Variants in CPNE4 observed in about 807,000 individuals in gnomAD.
CPNE4 encodes copine-4.
Under a neutral mutation model 67.9 loss-of-function variants are expected in CPNE4, and 25 were observed. The observed-to-expected ratio is 0.37, with a 90% CI of 0.27 to 0.51. CPNE4 has a LOEUF of 0.51. Among genes scored for constraint, CPNE4 ranks in the 20% least tolerant of loss-of-function variants. The probability of loss-of-function intolerance (pLI) is 0.93; values close to 1 mark genes in which losing one functional copy is unlikely to be tolerated. For missense variants in CPNE4, 464 were observed against 690.8 expected, an observed-to-expected ratio of 0.67 and a Z score of 3.68; for synonymous variants, 242 against 244.9, an observed-to-expected ratio of 0.99 and a Z score of 0.11.
At chr3:131,568,976 T>C (rs1272009873) in intron 10 of CPNE4, among the ~76,000 whole-genome samples, 2 of 152,096 alleles carry the variant, frequency 1.3e-5, no homozygotes, top group African/African-American at 4.8e-5. Context: ...AATTTGGACC[T>C]ATACAATGAA....
chr3:131,867,567 C>A (rs2107684905), intron 2 of CPNE4, among the ~76,000 whole-genome samples: 1 of 152,226 alleles, frequency 6.6e-6, no homozygotes, highest in African/African-American at 2.4e-5. Context: ...GCCCTCCATG[C>A]AAATGCCAGT....
chr3:131,588,764 C>T (rs1938348666), intron 7 of CPNE4, among the ~76,000 whole-genome samples: 2 of 152,088 alleles, frequency 1.3e-5, no homozygotes, highest in Admixed American at 1.3e-4. Context: ...CCTGATATTC[C>T]TCTTTCCACT....
intron 2 of CPNE4, among the ~76,000 whole-genome samples, chr3:131,891,248 GT>G (rs912926891): frequency 2.1e-4 from 32 of 151,856 alleles, no homozygotes; most frequent in African/African-American, 7.0e-4. Context: ...ATTTTATGAA[GT>G]TTTTTTTATA....
intron 2 of CPNE4, among the ~76,000 whole-genome samples, chr3:131,817,220 G>C (rs573615214): frequency 6.6e-6 from 1 of 152,256 alleles, no homozygotes; most frequent in African/African-American, 2.4e-5. Context: ...GTGGGAGTGG[G>C]AGTGTAGCCG....
chr3:131,911,015 T>C (rs552794583), intron 1 of CPNE4, among the ~76,000 whole-genome samples: 13 of 152,294 alleles, frequency 8.5e-5, no homozygotes, highest in Admixed American at 7.9e-4. Flanking sequence ...GGCCATCTCC[T>C]GGTATTCATG....
chr3:131,565,837 G>A (rs1177483845), intron 10 of CPNE4, among the ~76,000 whole-genome samples: 2 of 149,316 alleles, frequency 1.3e-5, no homozygotes, highest in African/African-American at 2.5e-5. Context: ...AAAAAAAAAG[G>A]TTATCTGAAG....
In CPNE4 at chr3:131,961,681, C is replaced by T. The variant is rs1471163233; in HGVS notation, c.-1-56237G>A. On this transcript the variant is annotated intron_variant, in intron 1 of 15. Transcript: ENST00000429747. ...GTCTATTCCTGACTCTTAAGATCCACACCTAGAGGACTAAAGATAGAACAT... is the reference window on the plus strand; with the variant it reads ...GTCTATTCCTGACTCTTAAGATCCATACCTAGAGGACTAAAGATAGAACAT... 2.0e-5 allele frequency among the ~76,000 whole-genome samples: 3 copies of T among 152,308 alleles called. No homozygotes were observed. In the East Asian group the frequency reaches 5.8e-4, roughly 29 times the overall value.
intron 1 of CPNE4, among the ~76,000 whole-genome samples, chr3:131,910,945 A>T (rs766166491): frequency 1.3e-5 from 2 of 152,122 alleles, no homozygotes; most frequent in Admixed American, 6.6e-5. Context: ...AAAGAGCTAA[A>T]CTAGAACAGT....
At chr3:131,949,659 TAAGAA>T (rs1179321069) in intron 1 of CPNE4, among the ~76,000 whole-genome samples, 1 of 152,150 alleles carries the variant, frequency 6.6e-6, no homozygotes, top group Non-Finnish European at 1.5e-5. Flanking sequence ...CCTTATGAAA[TAAGAA>T]GAGAAGATCA....
At chr3:131,905,543 C>T (rs2088714868) in intron 1 of CPNE4, 99 bp from the exon 2 acceptor site, 2 of 861,778 alleles carry the variant, frequency 2.3e-6, no homozygotes, top group East Asian at 2.6e-5. Flanking sequence ...AATTGTTTGA[C>T]ACACAGTTTC....
intron 7 of CPNE4, among the ~76,000 whole-genome samples, chr3:131,618,263 T>C (rs1940272239): frequency 6.6e-6 from 1 of 152,164 alleles, no homozygotes; most frequent in African/African-American, 2.4e-5. Context: ...TAAATGTATT[T>C]TTAATTGACA....
At chr3:131,728,371 G>A (rs1006547296) in intron 2 of CPNE4, among the ~76,000 whole-genome samples, 3 of 152,194 alleles carry the variant, frequency 2.0e-5, no homozygotes, top group Admixed American at 6.5e-5. Flanking sequence ...GAGGTGGGAT[G>A]TGAACCTATG....
chr3:131,602,321 A>G (rs1455303003), intron 7 of CPNE4, among the ~76,000 whole-genome samples: 1 of 152,156 alleles, frequency 6.6e-6, no homozygotes, highest in Non-Finnish European at 1.5e-5. Context: ...ATCAAGGGCC[A>G]TCCTGTTTCC....
chr3:131,785,369 G>A lies in CPNE4; in HGVS notation c.181-61744C>T, dbSNP rs549366776. Among the ~76,000 whole-genome samples the A allele has an allele frequency of 3.9e-5, 6 of 151,956 alleles. No homozygotes were observed. In the South Asian group the frequency reaches 1.3e-3, roughly 32 times the overall value. On this transcript the variant is annotated intron_variant, in intron 2 of 15. Coordinates refer to ENST00000429747, the MANE Select transcript of CPNE4 (RefSeq NM_130808.3). ...TGCAACTCTCTTCTTCCAGATACCG[G>A]CTTCATTACCTCCCTCACCTCCTTC...
intron 2 of CPNE4, among the ~76,000 whole-genome samples, chr3:131,792,728 T>TACACGTGTGTATATATGTATATATAC (rs2083797537): frequency 1.1e-5 from 1 of 93,552 alleles, no homozygotes; most frequent in Non-Finnish European, 2.3e-5. Context: ...TGTATATATA[T>TACACGTGTGTATATATGTATATATAC]ACACGTGTGT....
intron 1 of CPNE4, among the ~76,000 whole-genome samples, chr3:131,994,016 T>C (rs578187209): frequency 1.5e-5 from 2 of 136,608 alleles, no homozygotes; most frequent in African/African-American, 4.9e-5. Context: ...GACATTTCTA[T>C]ATATTAGCTA....
chr3:131,966,003 G>T (rs1176075966), intron 1 of CPNE4, among the ~76,000 whole-genome samples: 2 of 151,916 alleles, frequency 1.3e-5, no homozygotes, highest in African/African-American at 4.8e-5. Context: ...GCAAAATAAT[G>T]GAAATCATAA....
In CPNE4 at chr3:131,629,178, G is replaced by A. The variant is rs181539835; in HGVS notation, c.681+40497C>T. 4.1e-3 allele frequency among the ~76,000 whole-genome samples: 623 copies of A among 152,088 alleles called. 2 individuals are homozygous for A. The highest frequency in any genetic ancestry group is 0.014 in the African/African-American group (571 of 41,482). Reference sequence around the variant, plus strand: ...TTATTCACTATCACGAGAATAGCACGGGAAAGACTGGCCCCCATGATTCAA... The same window carrying A: ...TTATTCACTATCACGAGAATAGCACAGGAAAGACTGGCCCCCATGATTCAA... On this transcript the variant is annotated intron_variant, in intron 7 of 15. Transcript: ENST00000429747.
At chr3:131,993,376 A>C (rs2073213374) in intron 1 of CPNE4, among the ~76,000 whole-genome samples, 1 of 130,954 alleles carries the variant, frequency 7.6e-6, no homozygotes, top group Non-Finnish European at 1.7e-5. Context: ...TCTTTTGAAA[A>C]AGCAAAAGAT....
Sources: gnomAD v4.1 joint callset for allele counts (sites outside exome capture counted in the v4.1 genomes callset) on GRCh38, gnomAD v4.1.1 for gene constraint, MANE v1.5 for transcripts, NCBI Gene and HGNC (gene_info 2026-07-23, HGNC 2026-07-21) for gene names.